FGGY: variants seen among roughly 807,000 people sequenced by gnomAD.
FGGY encodes FGGY carbohydrate kinase domain containing.
Under a neutral mutation model 71.3 loss-of-function variants are expected in FGGY, and 72 were observed. The ratio of observed to expected loss-of-function variants is 1.01; its 90% CI spans 0.84 to 1.23. The LOEUF (loss-of-function observed/expected upper bound fraction) is 1.23, where lower values mean the gene tolerates loss of function less well. Ranked by LOEUF, FGGY falls within the 50% of genes most tolerant of loss-of-function variation. The pLI is 0.00. For synonymous variants in FGGY, 251 were observed against 250.3 expected, an observed-to-expected ratio of 1.00 and a Z score of -0.02; for missense variants, 668 against 682.3, an observed-to-expected ratio of 0.98 and a Z score of 0.23.
intron 12 of FGGY, among the ~76,000 whole-genome samples, chr1:59,664,605 AGAC>A (rs2097306905): frequency 6.6e-6 from 1 of 152,242 alleles, no homozygotes; most frequent in South Asian, 2.1e-4. Context: ...CATTCCATAC[AGAC>A]TGTATTGCTT....
chr1:59,617,103 T>C (rs2096763348), intron 9 of FGGY, among the ~76,000 whole-genome samples: 3 of 152,164 alleles, frequency 2.0e-5, no homozygotes, highest in Admixed American at 1.3e-4. Context: ...CGCTTGCATA[T>C]GCACATCTTC....
chr1:59,644,713 C>T (rs1000786063), intron 11 of FGGY, among the ~76,000 whole-genome samples: 2 of 151,956 alleles, frequency 1.3e-5, no homozygotes, highest in Non-Finnish European at 2.9e-5. Context: ...TGCGGTGGCT[C>T]ACGCCTGTAA....
intron 8 of FGGY, among the ~76,000 whole-genome samples, chr1:59,572,075 A>G (rs962105428): frequency 8.1e-4 from 123 of 152,310 alleles, no homozygotes; most frequent in African/African-American, 2.8e-3. Flanking sequence ...TGAAGGATAC[A>G]TGAGTACTTA....
intron 4 of FGGY, among the ~76,000 whole-genome samples, chr1:59,359,200 C>G (rs1469982332): frequency 1.3e-5 from 2 of 152,142 alleles, no homozygotes; most frequent in African/African-American, 4.8e-5. Flanking sequence ...ATTTTTCTAT[C>G]ATTTTTAGTA....
At chr1:59,508,982 C>G (rs2094457908) in intron 6 of FGGY, among the ~76,000 whole-genome samples, 1 of 152,200 alleles carries the variant, frequency 6.6e-6, no homozygotes, top group Non-Finnish European at 1.5e-5. Flanking sequence ...GTGAACTCAG[C>G]AGAGTCTCTG....
intron 5 of FGGY, among the ~76,000 whole-genome samples, chr1:59,442,539 T>G (rs2070195444): frequency 6.6e-6 from 1 of 152,230 alleles, no homozygotes; most frequent in South Asian, 2.1e-4. Context: ...GGTCTGTACT[T>G]CTACTTCACC....
intron 7 of FGGY, among the ~76,000 whole-genome samples, chr1:59,542,267 A>C (rs937170606): frequency 6.6e-6 from 1 of 151,454 alleles, no homozygotes; most frequent in Non-Finnish European, 1.5e-5. Flanking sequence ...CAGAGATTAC[A>C]TTTTTTTTCA....
intron 9 of FGGY, 43 bp from the exon 10 acceptor site, chr1:59,625,945 A>C (rs2096852149): frequency 6.7e-7 from 1 of 1,488,138 alleles, no homozygotes; most frequent in Non-Finnish European, 9.1e-7. Context: ...TTATACATAA[A>C]TTAAAGAAGC....
rs569200842 is a variant in FGGY at position 59,477,203 on chromosome 1, T to C, written c.670+20127T>C. On this transcript the variant is annotated intron_variant, in intron 6 of 15. Coordinates refer to ENST00000303721, the MANE Select transcript of FGGY (RefSeq NM_018291.5). The stretch of plus-strand genomic sequence containing the variant: ...CATCGCAGCTCTTCTGCTTAGCTTT[T>C]CTTGGTCACACAGCTATCAGGTGGT... Among the ~76,000 whole-genome samples the C allele has an allele frequency of 4.3e-4, 65 of 152,308 alleles. 1 individual carries two copies. The highest frequency in any genetic ancestry group is 1.5e-3 in the African/African-American group (64 of 41,564).
chr1:59,398,470 C>A (rs1020496247), intron 5 of FGGY, among the ~76,000 whole-genome samples: 4 of 152,174 alleles, frequency 2.6e-5, no homozygotes, highest in African/African-American at 9.7e-5. Flanking sequence ...AACTCCTAAC[C>A]TCAAATGATC....
chr1:59,688,276 T>TG (rs1391893665), intron 14 of FGGY, among the ~76,000 whole-genome samples: 1 of 152,196 alleles, frequency 6.6e-6, no homozygotes, highest in African/African-American at 2.4e-5. Flanking sequence ...TATTCTCACA[T>TG]GAAAAATGAG....
At chr1:59,310,272 G>A (rs1289908531) in intron 1 of FGGY, 1 of 152,118 alleles carries the variant, frequency 6.6e-6, no homozygotes, top group Non-Finnish European at 1.5e-5. Flanking sequence ...TTGCTTTGAA[G>A]GTCTTGTTCT....
At chr1:59,622,304 A>G (rs1386410161) in intron 9 of FGGY, among the ~76,000 whole-genome samples, 3 of 152,132 alleles carry the variant, frequency 2.0e-5, no homozygotes, top group Non-Finnish European at 4.4e-5. Context: ...TTTGGTGTTC[A>G]CTAAGTGGCT....
Position 59,549,590 on chromosome 1 carries a change from A to G in FGGY, c.800-4534A>G, listed in dbSNP as rs189661042. On this transcript the variant is annotated intron_variant, in intron 7 of 15. Transcript: ENST00000303721. Reference sequence around the variant, plus strand: ...TTTCTAAGGACTAATTGAAGGTTACAGTGTTTGAGGATACTTTGCAAGCTA... The same window carrying G: ...TTTCTAAGGACTAATTGAAGGTTACGGTGTTTGAGGATACTTTGCAAGCTA... Among the ~76,000 whole-genome samples the G allele has an allele frequency of 1.1e-3, 173 of 152,352 alleles. 2 individuals carry two copies. The highest frequency in any genetic ancestry group is 5.8e-3 in the South Asian group (28 of 4,832).
chr1:59,752,084 A>T (rs1370964846), intron 14 of FGGY, among the ~76,000 whole-genome samples: 1 of 152,208 alleles, frequency 6.6e-6, no homozygotes, highest in Non-Finnish European at 1.5e-5. Context: ...GGCCAAACTG[A>T]TAAATTGTCT....
chr1:59,575,469 G>A (rs191667810), intron 8 of FGGY, among the ~76,000 whole-genome samples: 8 of 152,176 alleles, frequency 5.3e-5, no homozygotes, highest in Non-Finnish European at 8.8e-5. Context: ...ATAGTATTTT[G>A]TTTTGAATCT....
intron 14 of FGGY, among the ~76,000 whole-genome samples, chr1:59,679,498 T>A (rs1052282214): frequency 9.2e-5 from 14 of 152,160 alleles, no homozygotes; most frequent in African/African-American, 3.4e-4. Context: ...TGCATTTTTT[T>A]CTTTGTCTGG....
At chr1:59,507,873 G>A (rs1479857867) in intron 6 of FGGY, among the ~76,000 whole-genome samples, 1 of 151,992 alleles carries the variant, frequency 6.6e-6, no homozygotes, top group Non-Finnish European at 1.5e-5. Flanking sequence ...AGCACTTACA[G>A]TCGTGCCCCT....
At chr1:59,618,980 TG>T (rs1558570586) in intron 9 of FGGY, among the ~76,000 whole-genome samples, 1 of 152,014 alleles carries the variant, frequency 6.6e-6, no homozygotes, top group Non-Finnish European at 1.5e-5. Flanking sequence ...CCCTGGCTTT[TG>T]CTTATTTTTT....
Sources: allele counts gnomAD v4.1 joint callset (sites outside exome capture counted in the v4.1 genomes callset), GRCh38; gene constraint gnomAD v4.1.1; transcripts MANE v1.5; gene names NCBI Gene and HGNC (gene_info 2026-07-23, HGNC 2026-07-21).